TMPRSS15: variants seen among roughly 807,000 people sequenced by gnomAD.
TMPRSS15 encodes enteropeptidase.
Under a neutral mutation model 125.3 loss-of-function variants are expected in TMPRSS15, and 128 were observed. The observed-to-expected ratio is 1.02, with a 90% CI of 0.89 to 1.18. TMPRSS15 has a LOEUF of 1.18. Among genes scored for constraint, TMPRSS15 ranks in the 50% most tolerant of loss-of-function variants. The probability of loss-of-function intolerance (pLI) is 0.00; values close to 1 mark genes in which losing one functional copy is unlikely to be tolerated. For synonymous variants in TMPRSS15, 446 were observed against 423.2 expected (o/e 1.05, Z -0.66); for missense variants, 1,283 against 1,212.7 (o/e 1.06, Z -0.86).
chr21:18,310,986 G>A (rs11701138), intron 18 of TMPRSS15, among the ~76,000 whole-genome samples: 45,402 of 144,776 alleles, frequency 0.31, 8,046 homozygotes, highest in Non-Finnish European at 0.4. Context: ...CACTGGGGGG[G>A]AAGAACAATC....
At chr21:18,419,869 G>A (rs2123189027) in intron 1 of TMPRSS15, among the ~76,000 whole-genome samples, 1 of 152,272 alleles carries the variant, frequency 6.6e-6, no homozygotes, top group South Asian at 2.1e-4. Context: ...TCTACCATGA[G>A]AAAAGTAATT....
At chr21:18,393,838 CAGAG>C (rs951384551) in intron 3 of TMPRSS15, among the ~76,000 whole-genome samples, 24 of 152,084 alleles carry the variant, frequency 1.6e-4, no homozygotes, top group Non-Finnish European at 2.5e-4. Flanking sequence ...CCTATCAAAA[CAGAG>C]AGAGAGAAAA....
intron 6 of TMPRSS15, among the ~76,000 whole-genome samples, chr21:18,367,623 T>G (rs1446012179): frequency 1.3e-5 from 2 of 152,210 alleles, no homozygotes; most frequent in African/African-American, 4.8e-5. Context: ...AAAGTTTATA[T>G]TTGAGTTACA....
chr21:18,481,860 G>A (rs1978987795), intron 1 of TMPRSS15, among the ~76,000 whole-genome samples: 1 of 151,560 alleles, frequency 6.6e-6, no homozygotes, highest in African/African-American at 2.4e-5. Flanking sequence ...TATTTTCTGA[G>A]GGAATTAATC....
Position 18,326,490 on chromosome 21 carries a change from C to G in TMPRSS15, c.1863G>C (p.Val621=), listed in dbSNP as rs1489121682. The change falls in exon 16 of 25, where the codon GTG becomes GTC. Residue 621 remains valine, a synonymous_variant. Coordinates refer to ENST00000284885, the MANE Select transcript of TMPRSS15 (RefSeq NM_002772.3). The stretch of plus-strand genomic sequence containing the variant: ...TTGCTTTAAACCCTCCTCTTGCCAA[C>G]ACATCGTTAGTGATGAGAAGCACAG... ...RMTVLLITND[V]LARGGFKANF... is the part of the protein sequence containing the mutation. 6.2e-7 allele frequency: 1 copy of G among 1,614,040 alleles called. No homozygotes were observed. The highest frequency in any genetic ancestry group is 1.3e-5 in the African/African-American group (1 of 74,926).
chr21:18,418,577 C>T (rs968737181), intron 1 of TMPRSS15, among the ~76,000 whole-genome samples: 4 of 152,146 alleles, frequency 2.6e-5, no homozygotes, highest in African/African-American at 7.2e-5. Context: ...TGTTACCCCC[C>T]CAATCATCTT....
intron 21 of TMPRSS15, among the ~76,000 whole-genome samples, chr21:18,293,940 A>T (rs1336902708): frequency 6.6e-6 from 1 of 152,248 alleles, no homozygotes; most frequent in Non-Finnish European, 1.5e-5. Context: ...CAATTTATAC[A>T]ATAAATACTA....
chr21:18,386,929 A>T (rs1347916796), intron 3 of TMPRSS15, among the ~76,000 whole-genome samples: 1 of 152,238 alleles, frequency 6.6e-6, no homozygotes, highest in Non-Finnish European at 1.5e-5. Context: ...AGTTGAAAGT[A>T]ACTGGATTAG....
At chr21:18,458,638 A>G (rs2123270110) in intron 1 of TMPRSS15, among the ~76,000 whole-genome samples, 1 of 152,284 alleles carries the variant, frequency 6.6e-6, no homozygotes, top group South Asian at 2.1e-4. Flanking sequence ...AATAGAAAAT[A>G]TTAGAATTAA....
At chr21:18,466,189 T>G (rs2123278437) in intron 1 of TMPRSS15, among the ~76,000 whole-genome samples, 1 of 152,288 alleles carries the variant, frequency 6.6e-6, no homozygotes, top group East Asian at 1.9e-4. Flanking sequence ...TAAATGGTGT[T>G]GGGAAAACTG....
At chr21:18,429,392 A>G (rs4816773) in intron 1 of TMPRSS15, among the ~76,000 whole-genome samples, 122,948 of 152,070 alleles carry the variant, frequency 0.81, 51,885 homozygotes, top group East Asian at 0.99. Context: ...TGGAGGGGCC[A>G]GGGTGGAATG....
chr21:18,343,835 G>A lies in TMPRSS15; in HGVS notation c.1277+120C>T, dbSNP rs572945081. On this transcript the variant is annotated intron_variant, in intron 11 of 24. Coordinates refer to ENST00000284885, the MANE Select transcript of TMPRSS15 (RefSeq NM_002772.3). The stretch of plus-strand genomic sequence containing the variant: ...TTTTATTGCTTATCAGTTGGGAAAA[G>A]TAATAGTATATGCATTAAAACTTTA... The A allele has an allele frequency of 1.0e-4, 120 of 1,183,906 alleles. No individual in the cohort carries two copies. The South Asian group carries it at 1.0e-3, about 10-fold the overall frequency. 73.3% of individuals were successfully genotyped at this position (1,183,906 alleles called of 1,614,324 possible). A position where few individuals can be genotyped will look rare whatever the true frequency, so the allele number is the denominator to read the frequency against.
intron 1 of TMPRSS15, among the ~76,000 whole-genome samples, chr21:18,444,287 G>A (rs762829977): frequency 2.6e-5 from 4 of 152,134 alleles, no homozygotes; most frequent in Non-Finnish European, 5.9e-5. Context: ...TGTACATCAC[G>A]GAATACTACA....
At chr21:18,459,072 A>G (rs1446053542) in intron 1 of TMPRSS15, among the ~76,000 whole-genome samples, 1 of 152,128 alleles carries the variant, frequency 6.6e-6, no homozygotes, top group Non-Finnish European at 1.5e-5. Context: ...GTATATGTAT[A>G]TGGTGTGCAT....
At chr21:18,350,543 T>C (rs1045849222) in intron 10 of TMPRSS15, among the ~76,000 whole-genome samples, 1 of 152,156 alleles carries the variant, frequency 6.6e-6, no homozygotes, top group Non-Finnish European at 1.5e-5. Flanking sequence ...AGATCAGTCA[T>C]GTTCCCTCTG....
chr21:18,345,761 A>AAAAAAAAAC (rs2075501861), intron 10 of TMPRSS15, among the ~76,000 whole-genome samples: 1 of 145,058 alleles, frequency 6.9e-6, no homozygotes, highest in African/African-American at 2.5e-5. Flanking sequence ...AAAAAAAAAA[A>AAAAAAAAAC]ATCCACTGAA....
At chr21:18,320,341 A>AT (rs1178864595) in intron 16 of TMPRSS15, among the ~76,000 whole-genome samples, 1 of 152,110 alleles carries the variant, frequency 6.6e-6, no homozygotes, top group Non-Finnish European at 1.5e-5. Flanking sequence ...ACCACCCTTT[A>AT]TTTTTAAATT....
At chr21:18,374,163 T>C (rs981738982) in intron 5 of TMPRSS15, among the ~76,000 whole-genome samples, 2 of 152,116 alleles carry the variant, frequency 1.3e-5, no homozygotes, top group African/African-American at 4.8e-5. Flanking sequence ...ATGGAATGTA[T>C]TTAGTGATGT....
chr21:18,317,596 G>C (rs1317891400), intron 16 of TMPRSS15, among the ~76,000 whole-genome samples: 1 of 151,956 alleles, frequency 6.6e-6, no homozygotes, highest in Non-Finnish European at 1.5e-5. Flanking sequence ...ACAAGGACCA[G>C]GCTTTCATGG....
Sources: gnomAD v4.1 joint callset for allele counts (sites outside exome capture counted in the v4.1 genomes callset) on GRCh38, gnomAD v4.1.1 for gene constraint, MANE v1.5 for transcripts, NCBI Gene and HGNC (gene_info 2026-07-23, HGNC 2026-07-21) for gene names.